Variants in FAAP24 observed in about 807,000 individuals in gnomAD.
FAAP24 encodes FA core complex associated protein 24.
In FAAP24, 16 loss-of-function variants were observed where a neutral mutation model predicts 14.3. The ratio of observed to expected loss-of-function variants is 1.12; its 90% confidence interval spans 0.76 to 1.69. The LOEUF is 1.69. Among genes scored for constraint, FAAP24 ranks in the 40% most tolerant of loss-of-function variants. The pLI, the probability that FAAP24 is intolerant of heterozygous loss-of-function variation, is 0.00. For synonymous variants in FAAP24, 111 were observed against 106.2 expected (o/e 1.04, Z -0.28); for missense variants, 234 against 262.7 (o/e 0.89, Z 0.75).
rs774170569 is a variant in FAAP24, at chr19:32,973,505, C to T, written c.186C>T (p.Thr62=). The change falls in exon 3 of 5, where the codon ACC becomes ACT. Residue 62 remains threonine, a synonymous_variant. Transcript: ENST00000588258. ...ACAGATGCTGCATTCTTTATGTCACCGAAGCTGATTTGGTGGCAGGAAATG... is the reference window on the plus strand; with the variant it reads ...ACAGATGCTGCATTCTTTATGTCACTGAAGCTGATTTGGTGGCAGGAAATG... ...LSNRCCILYV[T]EADLVAGNGY... 19 of 1,614,058 alleles carry T rather than the reference C, an allele frequency of 1.2e-5. No individual in the cohort carries two copies. The highest frequency in any genetic ancestry group is 1.7e-5 in the Admixed American group (1 of 59,996).
At position 32,976,522 on chromosome 19, in the gene FAAP24, T is replaced by C; in HGVS notation, c.488T>C (p.Val163Ala). The C allele has an allele frequency of 6.2e-7, 1 of 1,614,178 alleles. No individual in the cohort carries two copies. Among genetic ancestry groups the C allele is most frequent in the Non-Finnish European group, 8.5e-7 (1 of 1,180,028 alleles). ...LLSEPSLLRT[V>A]QQIPGVGKVK... is the part of the protein sequence containing the mutation. ...TCTGAGCCTTCGCTCCTTCGAACCG[T>C]GCAGCAGATCCCAGGAGTTGGAAAA... Residue 163 changes from valine (V) to alanine (A), a missense_variant, in exon 5 of 5, where the codon GTG becomes GCG. Physicochemically the swap from Val to Ala is moderately conservative, Grantham distance 64. Transcript: ENST00000588258.
In FAAP24 at chr19:32,973,439, C is replaced by A; in HGVS notation, c.120C>A (p.Leu40=). The stretch of plus-strand genomic sequence containing the variant: ...CTGTATTTTAAGGGAAAATTAAGCT[C>A]ATTTTCGAGGATGGCTTGACACCAG... ...LAQEMQGKIK[L]IFEDGLTPDF... Residue 40 remains leucine, a synonymous_variant, in exon 3 of 5, where the codon CTC becomes CTA. Transcript: ENST00000588258. 1 of 1,614,064 alleles carries A rather than the reference C, an allele frequency of 6.2e-7. No individual in the cohort carries two copies. Among genetic ancestry groups the A allele is most frequent in the Non-Finnish European group, 8.5e-7 (1 of 1,179,952 alleles).
rs780149743 is a variant in FAAP24, at chr19:32,973,261, A to T, written c.65A>T (p.Asn22Ile). Residue 22 changes from asparagine (N) to isoleucine (I), a missense_variant, in exon 2 of 5, where the codon AAT becomes ATT. Transcript: ENST00000588258. ...GTGCCTTTGGGGCATATTGTGGCCAATGAGAAATGGCGCGGGTCACAGCTG... is the reference window on the plus strand; with the variant it reads ...GTGCCTTTGGGGCATATTGTGGCCATTGAGAAATGGCGCGGGTCACAGCTG... ...VHVPLGHIVA[N>I]EKWRGSQLAQ... 6.2e-7 allele frequency: 1 copy of T among 1,614,028 alleles called. No homozygotes were observed.
In FAAP24 at chr19:32,973,465, A is replaced by G; in HGVS notation, c.146A>G (p.Asp49Gly). The change falls in exon 3 of 5, where the codon GAC becomes GGC. Residue 49 changes from aspartate to glycine, a missense_variant. Coordinates refer to ENST00000588258, the MANE Select transcript of FAAP24 (RefSeq NM_152266.5). Reference sequence around the variant, plus strand: ...ATTTTCGAGGATGGCTTGACACCAGACTTTTATCTGTCGAACAGATGCTGC... The same window carrying G: ...ATTTTCGAGGATGGCTTGACACCAGGCTTTTATCTGTCGAACAGATGCTGC... ...KLIFEDGLTP[D>G]FYLSNRCCIL... The G allele has an allele frequency of 1.2e-6, 2 of 1,614,216 alleles. No individual in the cohort carries two copies. The highest frequency in any genetic ancestry group is 1.7e-6 in the Non-Finnish European group (2 of 1,180,032).
rs922723497 is a variant in FAAP24 at position 32,972,267 on chromosome 19, C to G, written c.-93C>G. On this transcript the variant is annotated 5_prime_UTR_variant, in exon 1 of 5. Transcript: ENST00000588258. The stretch of plus-strand genomic sequence containing the variant: ...GTGAACCCGGAAGGTGGCGCGGCCA[C>G]CAGTAACATGATCTCTAGACTGGGA... 4.4e-6 allele frequency: 2 copies of G among 456,284 alleles called. No homozygotes were observed. Among genetic ancestry groups the G allele is most frequent in the Middle Eastern group, 5.6e-4 (1 of 1,770 alleles). The allele number at this position is 456,284 out of a possible 1,614,324, so 28.3% of individuals were successfully genotyped here.
At position 32,973,542 on chromosome 19, in the gene FAAP24, A is replaced by G. The variant is rs1373994314; in HGVS notation, c.223A>G (p.Arg75Gly). The change falls in exon 3 of 5, where the codon AGG becomes GGG. Residue 75 changes from arginine (R) to glycine (G), a missense_variant. By Grantham distance (125) the Arg-to-Gly change is moderately radical. Transcript: ENST00000588258. ...GGTGGCAGGAAATGGCTACAGAAAGAGGCTTGTTCGGGTTAGAAATGTAAG... is the reference window on the plus strand; with the variant it reads ...GGTGGCAGGAAATGGCTACAGAAAGGGGCTTGTTCGGGTTAGAAATGTAAG... ...DLVAGNGYRK[R>G]LVRVRNSNNL... The G allele has an allele frequency of 2.4e-5, 38 of 1,614,058 alleles. No individual in the cohort carries two copies. The highest frequency in any genetic ancestry group is 3.2e-5 in the Non-Finnish European group (38 of 1,180,028).
intron 2 of FAAP24, 39 bp from the exon 3 acceptor site, chr19:32,973,387 C>G: frequency 6.2e-7 from 1 of 1,603,674 alleles, no homozygotes; most frequent in Non-Finnish European, 8.5e-7. Context: ...TCTTTTCATC[C>G]AAAGCTTATG....
chr19:32,974,969 G>A lies in FAAP24; in HGVS notation c.396+757G>A, dbSNP rs1286167183. ...TGGCTCACTGCCATCTCCACCTCCC[G>A]GGTTCAAGCCATTCTTCTGCCTCAG... On this transcript the variant is annotated intron_variant, in intron 4 of 4. Transcript: ENST00000588258. Among the ~76,000 whole-genome samples the A allele has an allele frequency of 4.0e-5, 6 of 151,766 alleles. No homozygotes were observed. In the East Asian group the frequency reaches 9.7e-4, roughly 25 times the overall value.
At chr19:32,972,841 G>A (rs951442473) in intron 1 of FAAP24, among the ~76,000 whole-genome samples, 2 of 148,178 alleles carry the variant, frequency 1.3e-5, no homozygotes, top group African/African-American at 5.0e-5. Context: ...AGCCTCCCAA[G>A]TGGCTGGGAT....
intron 4 of FAAP24, among the ~76,000 whole-genome samples, chr19:32,974,716 G>A (rs1464503952): frequency 6.6e-6 from 1 of 152,060 alleles, no homozygotes; most frequent in African/African-American, 2.4e-5. Context: ...CTGAGGAGGT[G>A]GAGGTTGCAG....
At position 32,977,468 on chromosome 19, in the gene FAAP24, T is replaced by G. The variant is rs1971535866; in HGVS notation, c.*786T>G. 1 of 398,450 alleles carries G rather than the reference T, an allele frequency of 2.5e-6. No homozygotes were observed. The highest frequency in any genetic ancestry group is 4.4e-6 in the Non-Finnish European group (1 of 226,088). The allele number at this position is 398,450 out of a possible 1,614,324, so 24.7% of individuals were successfully genotyped here. A position where few individuals can be genotyped will look rare whatever the true frequency, so the allele number is the denominator to read the frequency against. ...ATATACCCGTACTGCGAGGGCTGTT[T>G]CCAATGTAAATAAATAACTGCGCAA... On this transcript the variant is annotated 3_prime_UTR_variant, in exon 5 of 5. Transcript: ENST00000588258.
rs746707391 is a variant in FAAP24, at chr19:32,974,221, C to T, written c.396+9C>T. 2.0e-5 allele frequency: 33 copies of T among 1,609,992 alleles called. No homozygotes were observed. The highest frequency in any genetic ancestry group is 6.8e-5 in the Admixed American group (4 of 58,730). On this transcript the variant is annotated intron_variant, in intron 4 of 4. Coordinates refer to ENST00000588258, the MANE Select transcript of FAAP24 (RefSeq NM_152266.5). ...GCCTCGTCATCCAGTTGGTGAGTAC[C>T]GATTCCTACACCTTCGTGGTAGTCC...
chr19:32,973,563 G>GT lies in FAAP24; in HGVS notation c.243+2dup, dbSNP rs759977592. Reference sequence around the variant, plus strand: ...AAAGAGGCTTGTTCGGGTTAGAAATGTAAGTATTAGGCTGGGTGCTGTGGC... The same window carrying GT: ...AAAGAGGCTTGTTCGGGTTAGAAATGTTAAGTATTAGGCTGGGTGCTGTGGC... On this transcript the variant is annotated splice_donor_variant, in intron 3 of 4. Transcript: ENST00000588258. LOFTEE classifies it high-confidence loss of function. 2 of 1,613,966 alleles carry GT rather than the reference G, an allele frequency of 1.2e-6. No individual in the cohort carries two copies. The highest frequency in any genetic ancestry group is 2.2e-5 in the South Asian group (2 of 91,072).
rs180733123 is a variant in FAAP24 at position 32,977,149 on chromosome 19, G to A, written c.*467G>A. The A allele has an allele frequency of 4.7e-4, 188 of 402,110 alleles. No individual in the cohort carries two copies. The highest frequency in any genetic ancestry group is 3.5e-3 in the African/African-American group (171 of 48,740). 24.9% of individuals were successfully genotyped at this position (402,110 alleles called of 1,614,324 possible). The stretch of plus-strand genomic sequence containing the variant: ...AGCCCGTGGGTCGTCCTGCCTTAGC[G>A]TCTGAGTTCAGCTTGTGAAGTTAGT... On this transcript the variant is annotated 3_prime_UTR_variant, in exon 5 of 5. Coordinates refer to ENST00000588258, the MANE Select transcript of FAAP24 (RefSeq NM_152266.5).
chr19:32,976,904 G>A lies in FAAP24; in HGVS notation c.*222G>A. On this transcript the variant is annotated 3_prime_UTR_variant, in exon 5 of 5. Transcript: ENST00000588258. Reference sequence around the variant, plus strand: ...AAAATAGGAACAATTAGCCAGGCATGGTGACAGGTGCCTGTAATCCCAGCT... The same window carrying A: ...AAAATAGGAACAATTAGCCAGGCATAGTGACAGGTGCCTGTAATCCCAGCT... 1.7e-6 allele frequency: 1 copy of A among 585,724 alleles called. No individual in the cohort carries two copies. Among genetic ancestry groups the A allele is most frequent in the Non-Finnish European group, 3.0e-6 (1 of 337,900 alleles). 36.3% of individuals were successfully genotyped at this position (585,724 alleles called of 1,614,324 possible). A position where few individuals can be genotyped will look rare whatever the true frequency, so the allele number is the denominator to read the frequency against.
intron 4 of FAAP24, 117 bp from the exon 5 acceptor site, chr19:32,976,314 G>T: frequency 2.4e-6 from 3 of 1,270,444 alleles, no homozygotes; most frequent in Non-Finnish European, 3.3e-6. Flanking sequence ...GAAAACATTT[G>T]TTCCCTTAAG....
intron 4 of FAAP24, among the ~76,000 whole-genome samples, chr19:32,974,753 A>T (rs1436426585): frequency 6.6e-6 from 1 of 152,194 alleles, no homozygotes; most frequent in Non-Finnish European, 1.5e-5. Flanking sequence ...ATTGCACTCC[A>T]GCCTGAGCAA....
rs1271133614 is a variant in FAAP24, at chr19:32,973,578, G to A, written c.243+16G>A. 5 of 1,613,720 alleles carry A rather than the reference G, an allele frequency of 3.1e-6. No individual in the cohort carries two copies. The highest frequency in any genetic ancestry group is 4.2e-6 in the Non-Finnish European group (5 of 1,179,856). ...GGTTAGAAATGTAAGTATTAGGCTG[G>A]GTGCTGTGGCTCACGCCAGTAATCC... On this transcript the variant is annotated intron_variant, in intron 3 of 4. Transcript: ENST00000588258.
At position 32,976,632 on chromosome 19, in the gene FAAP24, G is replaced by A. The variant is rs370813858; in HGVS notation, c.598G>A (p.Gly200Arg). Residue 200 changes from glycine to arginine, a missense_variant, in exon 5 of 5, where the codon GGA becomes AGA. Coordinates refer to ENST00000588258, the MANE Select transcript of FAAP24 (RefSeq NM_152266.5). The part of the protein sequence containing the change: ...ASIGELEQVV[G>R]QAVAQQIHAF... The stretch of plus-strand genomic sequence containing the variant: ...CATTGGGGAACTGGAGCAGGTGGTC[G>A]GACAAGCAGTGGCACAGCAGATCCA... The A allele has an allele frequency of 2.9e-5, 46 of 1,614,034 alleles. No individual in the cohort carries two copies. The highest frequency in any genetic ancestry group is 3.5e-5 in the Non-Finnish European group (41 of 1,180,028).
Sources: gnomAD v4.1 joint callset for allele counts (sites outside exome capture counted in the v4.1 genomes callset) on GRCh38, gnomAD v4.1.1 for gene constraint, MANE v1.5 for transcripts, NCBI Gene and HGNC (gene_info 2026-07-23, HGNC 2026-07-21) for gene names.